Variants in TMEM33 observed in about 807,000 individuals in gnomAD.
TMEM33 encodes transmembrane protein 33.
In TMEM33, 16 loss-of-function variants were observed where a neutral mutation model predicts 29.7. The observed-to-expected ratio is 0.54, with a 90% CI of 0.36 to 0.82. TMEM33 has a LOEUF of 0.82. TMEM33 is among the 40% of genes least tolerant of loss of function. TMEM33 has a pLI of 0.00. For missense variants in TMEM33, 252 were observed against 295.3 expected (o/e 0.85, Z 1.08); for synonymous variants, 112 against 109.4 (o/e 1.02, Z -0.15).
At chr4:41,939,112 G>A in intron 2 of TMEM33, 84 bp from the exon 3 acceptor site, 2 of 1,350,728 alleles carry the variant, frequency 1.5e-6, no homozygotes, top group Non-Finnish European at 2.0e-6. Flanking sequence ...TAGGTGTTGT[G>A]CAATTATGAT....
In TMEM33 at chr4:41,939,367, TTCC is replaced by T; in HGVS notation, c.314_316del (p.Ser105del). 6.2e-7 allele frequency: 1 copy of T among 1,613,156 alleles called. No individual in the cohort carries two copies. Among genetic ancestry groups the T allele is most frequent in the Non-Finnish European group, 8.5e-7 (1 of 1,179,806 alleles). On this transcript the variant is annotated inframe_deletion, in exon 3 of 7. Transcript: ENST00000504986. Reference sequence around the variant, plus strand: ...TGTTGTATTCACTCATCTTTGTAAATTCCTATCCAGTTACAAGTATCCTTTTCT... The same window carrying T: ...TGTTGTATTCACTCATCTTTGTAAATTATCCAGTTACAAGTATCCTTTTCT...
chr4:41,949,088 TA>T (rs1002504934), intron 5 of TMEM33, among the ~76,000 whole-genome samples: 2 of 152,104 alleles, frequency 1.3e-5, no homozygotes, highest in Admixed American at 1.3e-4. Flanking sequence ...AATACATTTA[TA>T]AAAAAATTAA....
Position 41,957,470 on chromosome 4 carries a change from T to G in TMEM33, c.*3271T>G, listed in dbSNP as rs998923865. The G allele has an allele frequency of 2.6e-5, 4 of 152,002 alleles. No individual in the cohort carries two copies. Among genetic ancestry groups the G allele is most frequent in the African/African-American group, 9.7e-5 (4 of 41,416 alleles). 9.4% of individuals were successfully genotyped at this position (152,002 alleles called of 1,614,324 possible). On this transcript the variant is annotated 3_prime_UTR_variant, in exon 7 of 7. Transcript: ENST00000504986. Reference sequence around the variant, plus strand: ...TAAGAATGATGAAACCATCAATACTTCCTTCTTCCTAAAAATCCAGATCAA... The same window carrying G: ...TAAGAATGATGAAACCATCAATACTGCCTTCTTCCTAAAAATCCAGATCAA...
intron 4 of TMEM33, chr4:41,944,074 C>G (rs1022926978): frequency 4.7e-6 from 2 of 422,658 alleles, no homozygotes; most frequent in Non-Finnish European, 4.2e-6. Context: ...TGAAATAGAT[C>G]AGTTTTTTTG....
intron 5 of TMEM33, among the ~76,000 whole-genome samples, chr4:41,946,287 G>T (rs1712786268): frequency 6.6e-6 from 1 of 151,850 alleles, no homozygotes; most frequent in Admixed American, 6.6e-5. Context: ...ATGCTAAATT[G>T]TTCTTTAAAA....
chr4:41,950,362 TTTTCA>T (rs1200022327), intron 6 of TMEM33, among the ~76,000 whole-genome samples: 2 of 152,178 alleles, frequency 1.3e-5, no homozygotes, highest in Non-Finnish European at 2.9e-5. Context: ...AATCTGTATA[TTTTCA>T]TAAGTACAGT....
chr4:41,942,149 A>G (rs112751373), intron 3 of TMEM33, among the ~76,000 whole-genome samples: 7 of 152,214 alleles, frequency 4.6e-5, no homozygotes, highest in Admixed American at 1.3e-4. Context: ...CAGTCTGGAT[A>G]TGTGTCAAAG....
intron 5 of TMEM33, among the ~76,000 whole-genome samples, chr4:41,946,474 A>G (rs760954945): frequency 6.6e-6 from 1 of 152,194 alleles, no homozygotes; most frequent in Non-Finnish European, 1.5e-5. Context: ...ACAGAGTTTT[A>G]TAGATTTCCT....
At chr4:41,951,817 G>A (rs1384726208) in intron 6 of TMEM33, among the ~76,000 whole-genome samples, 1 of 152,176 alleles carries the variant, frequency 6.6e-6, no homozygotes, top group Non-Finnish European at 1.5e-5. Flanking sequence ...AAAGTGCTTA[G>A]CATACTTGAG....
chr4:41,935,524 G>T lies in TMEM33; in HGVS notation c.40G>T (p.Ala14Ser), dbSNP rs765416979. The T allele has an allele frequency of 6.2e-7, 1 of 1,607,612 alleles. No individual in the cohort carries two copies. Residue 14 changes from alanine (A) to serine (S), a missense_variant, in exon 1 of 7, where the codon GCT becomes TCT. Physicochemically the swap from Ala to Ser is moderately conservative, Grantham distance 99 (BLOSUM62 1). Transcript: ENST00000504986. ...TTPNGPQGAG[A>S]VQFMMTNKLD... Reference sequence around the variant, plus strand: ...CCCGAACGGCCCCCAAGGGGCGGGCGCTGTGGTAAGTGCGAGGGCAGGGTA... The same window carrying T: ...CCCGAACGGCCCCCAAGGGGCGGGCTCTGTGGTAAGTGCGAGGGCAGGGTA...
chr4:41,938,770 A>G, intron 2 of TMEM33, 74 bp downstream of exon 2: 1 of 1,391,140 alleles, frequency 7.2e-7, no homozygotes. Flanking sequence ...TTTTAGGTGT[A>G]AGACTTATTA....
At chr4:41,935,756 C>T (rs377127634) in intron 1 of TMEM33, among the ~76,000 whole-genome samples, 11 of 152,300 alleles carry the variant, frequency 7.2e-5, no homozygotes, top group Admixed American at 2.0e-4. Context: ...GCTGGTGGCC[C>T]CCACCTGTAT....
chr4:41,953,851 A>G (rs1243503923), intron 6 of TMEM33: 1 of 579,176 alleles, frequency 1.7e-6, no homozygotes, highest in Non-Finnish European at 3.2e-6. Context: ...TTAATAATGA[A>G]AACATTTGAA....
intron 5 of TMEM33, 22 bp from the exon 6 acceptor site, chr4:41,949,280 C>A: frequency 6.5e-7 from 1 of 1,534,084 alleles, no homozygotes; most frequent in Non-Finnish European, 8.9e-7. Context: ...ATATTTATCA[C>A]GCTTGTATTT....
chr4:41,943,990 C>G (rs1712667456), intron 4 of TMEM33, 176 bp downstream of exon 4: 1 of 564,200 alleles, frequency 1.8e-6, no homozygotes, highest in Admixed American at 3.6e-5. Context: ...TGAAGTTTCA[C>G]AAACTAGAAC....
chr4:41,935,608 T>G, intron 1 of TMEM33, 79 bp downstream of exon 1: 1 of 1,437,824 alleles, frequency 7.0e-7, no homozygotes, highest in Non-Finnish European at 9.6e-7. Flanking sequence ...TCCCGAGGCG[T>G]TCCAGAAGCT....
chr4:41,945,997 G>C (rs112453332), intron 5 of TMEM33, among the ~76,000 whole-genome samples: 9,014 of 143,088 alleles, frequency 0.063, 394 homozygotes, highest in African/African-American at 0.11. Flanking sequence ...AAAAAGAAAA[G>C]GAAAAAAAAA....
rs907457312 is a variant in TMEM33, at chr4:41,958,202, G to C, written c.*4003G>C. ...GTTTTTGTATTTTTAGTAGAGATGAGGTTTCACCATGTTGGCCAGGCTGGT... is the reference window on the plus strand; with the variant it reads ...GTTTTTGTATTTTTAGTAGAGATGACGTTTCACCATGTTGGCCAGGCTGGT... On this transcript the variant is annotated 3_prime_UTR_variant, in exon 7 of 7. Coordinates refer to ENST00000504986, the MANE Select transcript of TMEM33 (RefSeq NM_018126.3). 6.6e-6 allele frequency: 1 copy of C among 152,218 alleles called. No individual in the cohort carries two copies. The highest frequency in any genetic ancestry group is 1.9e-4 in the East Asian group (1 of 5,192). The allele number at this position is 152,218 out of a possible 1,614,324, so 9.4% of individuals were successfully genotyped here.
intron 5 of TMEM33, among the ~76,000 whole-genome samples, chr4:41,946,879 C>G (rs914180179): frequency 3.9e-5 from 6 of 152,006 alleles, no homozygotes; most frequent in Admixed American, 6.6e-5. Flanking sequence ...GTCACTTAAT[C>G]CTGCTTTTGG....
Sources: gnomAD v4.1 joint callset for allele counts (sites outside exome capture counted in the v4.1 genomes callset) on GRCh38, gnomAD v4.1.1 for gene constraint, MANE v1.5 for transcripts, NCBI Gene and HGNC (gene_info 2026-07-23, HGNC 2026-07-21) for gene names.